SNTG1: variants seen among roughly 807,000 people sequenced by gnomAD.
The protein encoded by SNTG1 is gamma-1-syntrophin.
In SNTG1, 39 loss-of-function variants were observed where a neutral mutation model predicts 74.7. That is an observed-to-expected ratio of 0.52 (90% CI 0.40 to 0.68). The LOEUF is 0.68. Among genes scored for constraint, SNTG1 ranks in the 30% least tolerant of loss-of-function variants. The pLI is 0.00. For synonymous variants in SNTG1, 254 were observed against 217.1 expected (o/e 1.17, Z -1.49); for missense variants, 685 against 609.5 (o/e 1.12, Z -1.30).
chr8:50,766,321 T>A (rs1158391553), intron 18 of SNTG1, among the ~76,000 whole-genome samples: 1 of 152,038 alleles, frequency 6.6e-6, no homozygotes, highest in Non-Finnish European at 1.5e-5. Flanking sequence ...AAAGTACTGT[T>A]ACTAAGATGG....
At chr8:50,404,688 A>C (rs1166709277) in intron 4 of SNTG1, among the ~76,000 whole-genome samples, 1 of 151,990 alleles carries the variant, frequency 6.6e-6, no homozygotes, top group Non-Finnish European at 1.5e-5. Flanking sequence ...AACTATTTTT[A>C]AGTATAAAGT....
intron 1 of SNTG1, among the ~76,000 whole-genome samples, chr8:50,055,006 C>A (rs1819904959): frequency 1.3e-5 from 2 of 152,020 alleles, no homozygotes; most frequent in Non-Finnish European, 2.9e-5. Flanking sequence ...TTTTAAACTT[C>A]TCTCACTCAT....
At chr8:50,654,960 G>C (rs1292100035) in intron 13 of SNTG1, among the ~76,000 whole-genome samples, 1 of 152,188 alleles carries the variant, frequency 6.6e-6, no homozygotes, top group Non-Finnish European at 1.5e-5. Flanking sequence ...AAACCTGTGA[G>C]ACTGGCCAAT....
rs571484132 is a variant in SNTG1, at chr8:50,255,821, A to C, written c.-28+83186A>C. On this transcript the variant is annotated intron_variant, in intron 2 of 18. Transcript: ENST00000642720. ...GTCACATTCTGAAGCACTGAGGGCT[A>C]GAAGTTCAACATAAGAATTTGGGGG... 3.9e-5 allele frequency among the ~76,000 whole-genome samples: 6 copies of C among 152,314 alleles called. No homozygotes were observed. In the East Asian group the frequency reaches 1.2e-3, roughly 29 times the overall value.
chr8:50,382,241 A>T (rs1263466494), intron 2 of SNTG1: 1 of 152,142 alleles, frequency 6.6e-6, no homozygotes, highest in Non-Finnish European at 1.5e-5. Flanking sequence ...ATTAACCATC[A>T]TATCTATGTT....
At chr8:49,920,110 C>A (rs528895970) in intron 1 of SNTG1, among the ~76,000 whole-genome samples, 107 of 152,148 alleles carry the variant, frequency 7.0e-4, no homozygotes, top group Middle Eastern at 3.4e-3. Context: ...CTACCTAAGT[C>A]ATTTGCTTTT....
intron 1 of SNTG1, among the ~76,000 whole-genome samples, chr8:50,046,804 GAT>G (rs1819127102): frequency 6.6e-6 from 1 of 152,102 alleles, no homozygotes. Flanking sequence ...CTGATTTTTT[GAT>G]ATGTTATGTC....
intron 17 of SNTG1, among the ~76,000 whole-genome samples, chr8:50,734,797 A>C (rs1198091223): frequency 5.1e-5 from 5 of 98,114 alleles, no homozygotes; most frequent in African/African-American, 1.1e-4. Context: ...ATATATATGG[A>C]CATATATATA....
At chr8:50,476,857 G>GACACACACACACACACACAC (rs59121229) in intron 8 of SNTG1, among the ~76,000 whole-genome samples, 55 of 145,968 alleles carry the variant, frequency 3.8e-4, no homozygotes, top group African/African-American at 1.2e-3. Context: ...GACACACACA[G>GACACACACACACACACACAC]ACACACACAC....
chr8:49,969,230 T>C (rs1487859816), intron 1 of SNTG1, among the ~76,000 whole-genome samples: 1 of 152,096 alleles, frequency 6.6e-6, no homozygotes, highest in South Asian at 2.1e-4. Context: ...AATTTTTTTC[T>C]TTTAATTATT....
intron 8 of SNTG1, among the ~76,000 whole-genome samples, chr8:50,488,220 G>A (rs2093816427): frequency 6.7e-6 from 1 of 149,166 alleles, no homozygotes; most frequent in Admixed American, 6.6e-5. Context: ...GAGTAAAATA[G>A]GTTTTTTTTA....
rs181373529 is a variant in SNTG1 at position 50,606,326 on chromosome 8, A to C, written c.849+15409A>C. Among the ~76,000 whole-genome samples the C allele has an allele frequency of 6.6e-5, 10 of 152,172 alleles. No individual in the cohort carries two copies. In the East Asian group the frequency reaches 1.9e-3, roughly 29 times the overall value. On this transcript the variant is annotated intron_variant, in intron 13 of 18. Coordinates refer to ENST00000642720, the MANE Select transcript of SNTG1 (RefSeq NM_018967.5). ...TCTCTACCTTTCTTAGAACTTTAAA[A>C]ATTTCTCTTAGAAACCATTCTAGTT... is the stretch of plus-strand genomic sequence containing the variant.
chr8:50,122,287 C>A (rs1385423497), intron 1 of SNTG1, among the ~76,000 whole-genome samples: 3 of 142,234 alleles, frequency 2.1e-5, no homozygotes, highest in Non-Finnish European at 3.1e-5. Flanking sequence ...GGGTAAATAA[C>A]TACTCCCTTA....
chr8:50,115,567 C>CAAAAAAAAAAAAA (rs11386539), intron 1 of SNTG1, among the ~76,000 whole-genome samples: 1 of 40,520 alleles, frequency 2.5e-5, no homozygotes, highest in African/African-American at 6.7e-5. Context: ...GACTCTGTCT[C>CAAAAAAAAAAAAA]AAAAAAAAAA....
intron 2 of SNTG1, among the ~76,000 whole-genome samples, chr8:50,199,303 T>A (rs2083898089): frequency 6.6e-6 from 1 of 151,472 alleles, no homozygotes. Flanking sequence ...CTGCAACCTC[T>A]GTCTCCCCAG....
At chr8:49,952,257 A>G (rs541300172) in intron 1 of SNTG1, among the ~76,000 whole-genome samples, 2 of 152,306 alleles carry the variant, frequency 1.3e-5, no homozygotes, top group African/African-American at 4.8e-5. Flanking sequence ...GAGGAAAGAC[A>G]GTAGACAGAT....
chr8:50,534,295 T>A (rs2094291889), intron 10 of SNTG1, among the ~76,000 whole-genome samples: 1 of 152,080 alleles, frequency 6.6e-6, no homozygotes, highest in South Asian at 2.1e-4. Flanking sequence ...GCACTGGGGT[T>A]CTGGGAAGGA....
intron 2 of SNTG1, among the ~76,000 whole-genome samples, chr8:50,273,510 T>G (rs1312423346): frequency 6.6e-6 from 1 of 152,186 alleles, no homozygotes; most frequent in African/African-American, 2.4e-5. Context: ...ACTGCAATAG[T>G]AAGATGCTGT....
chr8:49,954,530 C>A (rs1268665697), intron 1 of SNTG1, among the ~76,000 whole-genome samples: 4 of 152,230 alleles, frequency 2.6e-5, no homozygotes, highest in Non-Finnish European at 4.4e-5. Context: ...CTTGAAAGAA[C>A]CAGAAACTGT....
Sources: allele counts gnomAD v4.1 joint callset (sites outside exome capture counted in the v4.1 genomes callset), GRCh38; gene constraint gnomAD v4.1.1; transcripts MANE v1.5; gene names NCBI Gene and HGNC (gene_info 2026-07-23, HGNC 2026-07-21).